The following URI1 variants were observed in gnomAD, a reference collection of about 807,000 sequenced individuals.
The protein encoded by URI1 is URI1 prefoldin like chaperone.
URI1 carries 39 observed loss-of-function variants against 60.2 expected under a neutral mutation model. The ratio of observed to expected loss-of-function variants is 0.65; its 90% CI spans 0.50 to 0.85. The LOEUF (loss-of-function observed/expected upper bound fraction) is 0.85, where lower values mean the gene tolerates loss of function less well. Among genes scored for constraint, URI1 ranks in the 40% least tolerant of loss-of-function variants. URI1 has a pLI of 0.00. For missense variants in URI1, 691 were observed against 665.9 expected, an observed-to-expected ratio of 1.04 and a Z score of -0.42; for synonymous variants, 251 against 236.8, an observed-to-expected ratio of 1.06 and a Z score of -0.55.
At chr19:29,923,719 A>G in exon 1 of URI1, 1 of 1,536,762 alleles carries the variant, frequency 6.5e-7, no homozygotes, top group Non-Finnish European at 8.7e-7. Flanking sequence ...CCTTCAAGGA[A>G]GCCACGTTTC....
chr19:29,947,461 A>G (rs1351410899), intron 1 of URI1, among the ~76,000 whole-genome samples: 2 of 152,180 alleles, frequency 1.3e-5, no homozygotes, highest in Non-Finnish European at 2.9e-5. Context: ...TAAGGTGGTT[A>G]TACCAGTTTA....
At position 29,984,327 on chromosome 19, in the gene URI1, G is replaced by T. The variant is rs373887063; in HGVS notation, c.153-896G>T. ...GTCTGTAGTCTCAGCTACTCAGGAG[G>T]CTAAGGCAGGGGAATCACTTGAACC... On this transcript the variant is annotated intron_variant, in intron 2 of 10. Coordinates refer to ENST00000392271, the MANE Select transcript of URI1 (RefSeq NM_003796.3). Among the ~76,000 whole-genome samples, 15 of 152,240 alleles carry T rather than the reference G, an allele frequency of 9.9e-5. No homozygotes were observed. The East Asian group carries it at 2.5e-3, about 26-fold the overall frequency.
In URI1 at chr19:29,989,575, A is replaced by G. The variant is rs190103241; in HGVS notation, c.367+3158A>G. 4.0e-3 allele frequency among the ~76,000 whole-genome samples: 599 copies of G among 150,444 alleles called. 3 individuals are homozygous for G. Among genetic ancestry groups the G allele is most frequent in the Non-Finnish European group, 6.9e-3 (465 of 67,738 alleles). The stretch of plus-strand genomic sequence containing the variant: ...GTAGCTGAGATTACAGGTGCGTACC[A>G]CCACGCCCGGCTAATTTTTGTATTT... On this transcript the variant is annotated intron_variant, in intron 4 of 10. Transcript: ENST00000392271.
chr19:29,997,860 G>T (rs557975838), intron 4 of URI1, among the ~76,000 whole-genome samples: 1 of 152,056 alleles, frequency 6.6e-6, no homozygotes, highest in African/African-American at 2.4e-5. Flanking sequence ...CATCTCCCGC[G>T]TTGAAGGGAT....
At chr19:29,992,168 C>G (rs899702807) in intron 4 of URI1, among the ~76,000 whole-genome samples, 1 of 152,196 alleles carries the variant, frequency 6.6e-6, no homozygotes, top group Non-Finnish European at 1.5e-5. Flanking sequence ...CTCCCAAGTT[C>G]AAGTGGTTCT....
intron 8 of URI1, among the ~76,000 whole-genome samples, chr19:30,009,654 C>T (rs2055993433): frequency 3.3e-5 from 5 of 152,018 alleles, no homozygotes; most frequent in Admixed American, 3.3e-4. Context: ...TCTTAAGAAT[C>T]CTGGAGTTAA....
chr19:29,947,908 C>A (rs1192618465), intron 1 of URI1, among the ~76,000 whole-genome samples: 1 of 152,158 alleles, frequency 6.6e-6, no homozygotes, highest in East Asian at 1.9e-4. Flanking sequence ...AGCTTTACTG[C>A]TTTGCTTTTC....
rs138853024 is a variant in URI1, at chr19:29,984,223, C to T, written c.153-1000C>T. Among the ~76,000 whole-genome samples, 209 of 152,166 alleles carry T rather than the reference C, an allele frequency of 1.4e-3. 1 individual carries two copies. Among genetic ancestry groups the T allele is most frequent in the African/African-American group, 4.4e-3 (183 of 41,522 alleles). ...GGGGGATCGCTTGAAGCCAGGAGTT[C>T]GAGACCAGCCTGGCCAACGTGGCGA... On this transcript the variant is annotated intron_variant, in intron 2 of 10. Coordinates refer to ENST00000392271, the MANE Select transcript of URI1 (RefSeq NM_003796.3).
intron 1 of URI1, 118 bp from the exon 2 acceptor site, chr19:29,971,075 G>A: frequency 1.1e-6 from 1 of 932,106 alleles, no homozygotes; most frequent in Non-Finnish European, 1.7e-6. Context: ...AAATAAAAAT[G>A]TATACTGAGA....
At chr19:29,932,518 T>A (rs892352799) in intron 1 of URI1, among the ~76,000 whole-genome samples, 1 of 151,958 alleles carries the variant, frequency 6.6e-6, no homozygotes, top group Non-Finnish European at 1.5e-5. Flanking sequence ...GGTTTCACCA[T>A]AATGGCCAGG....
At chr19:29,977,721 C>T (rs1038715954) in intron 2 of URI1, among the ~76,000 whole-genome samples, 3 of 151,166 alleles carry the variant, frequency 2.0e-5, no homozygotes, top group African/African-American at 7.3e-5. Context: ...AGTTTCTGCA[C>T]AGTTTTAAAA....
At position 30,009,297 on chromosome 19, in the gene URI1, G is replaced by T. The variant is rs2055988877; in HGVS notation, c.979G>T (p.Val327Phe). 1 of 1,614,000 alleles carries T rather than the reference G, an allele frequency of 6.2e-7. No individual in the cohort carries two copies. The highest frequency in any genetic ancestry group is 1.3e-5 in the African/African-American group (1 of 74,904). Residue 327 changes from valine to phenylalanine, a missense_variant, in exon 8 of 11, where the codon GTT becomes TTT. Transcript: ENST00000392271. ...DGDNDHEALG[V>F]GDNSIPTIYF... Reference sequence around the variant, plus strand: ...TGATAACGACCATGAGGCTTTAGGGGTTGGAGATAATTCTATACCAACAAT... The same window carrying T: ...TGATAACGACCATGAGGCTTTAGGGTTTGGAGATAATTCTATACCAACAAT...
At chr19:30,011,332 AC>A in intron 9 of URI1, 96 bp downstream of exon 9, 2 of 1,447,622 alleles carry the variant, frequency 1.4e-6, no homozygotes, top group Non-Finnish European at 1.8e-6. Flanking sequence ...AACACAGAAG[AC>A]CCTCACTGAA....
chr19:29,970,546 T>TA (rs1442074367), intron 1 of URI1, among the ~76,000 whole-genome samples: 4 of 152,128 alleles, frequency 2.6e-5, no homozygotes, highest in African/African-American at 9.7e-5. Flanking sequence ...CTTTTGTACT[T>TA]AAATTCATTG....
At chr19:29,949,779 G>A (rs1182958669) in intron 1 of URI1, among the ~76,000 whole-genome samples, 1 of 152,138 alleles carries the variant, frequency 6.6e-6, no homozygotes, top group African/African-American at 2.4e-5. Flanking sequence ...GCGTGGCGGC[G>A]CGCGCCTGCA....
intron 1 of URI1, among the ~76,000 whole-genome samples, chr19:29,960,170 T>C (rs1305617993): frequency 1.3e-5 from 2 of 152,158 alleles, no homozygotes; most frequent in African/African-American, 4.8e-5. Context: ...TCTGCATAAT[T>C]GAAATTTAAG....
chr19:30,001,195 G>T (rs1436974098), intron 4 of URI1, among the ~76,000 whole-genome samples: 1 of 151,758 alleles, frequency 6.6e-6, no homozygotes, highest in Non-Finnish European at 1.5e-5. Flanking sequence ...AATGTCTGGT[G>T]ATCCTTGGCT....
chr19:29,981,307 C>G (rs944456937), intron 2 of URI1, among the ~76,000 whole-genome samples: 4 of 152,102 alleles, frequency 2.6e-5, no homozygotes, highest in Admixed American at 1.3e-4. Context: ...TTGTGGACAT[C>G]TGTGTATTTC....
At chr19:29,995,822 C>T (rs999462473) in intron 4 of URI1, among the ~76,000 whole-genome samples, 3 of 151,808 alleles carry the variant, frequency 2.0e-5, no homozygotes, top group Non-Finnish European at 4.4e-5. Flanking sequence ...TATTCTTTTG[C>T]ATGTGGTTCC....
Sources: gnomAD v4.1 joint callset for allele counts (sites outside exome capture counted in the v4.1 genomes callset) on GRCh38, gnomAD v4.1.1 for gene constraint, MANE v1.5 for transcripts, NCBI Gene and HGNC (gene_info 2026-07-23, HGNC 2026-07-21) for gene names.